Variants in F9 observed in about 807,000 individuals in gnomAD.
F9 encodes the protein Christmas factor.
Under a neutral mutation model 34.1 loss-of-function variants are expected in F9, and 2 were observed. That is an observed-to-expected ratio of 0.06 (90% CI 0.02 to 0.18). The LOEUF (loss-of-function observed/expected upper bound fraction) is 0.18. Ranked by LOEUF, F9 falls within the 10% of genes least tolerant of loss-of-function variation. The pLI is 1.00. For missense variants in F9, 216 were observed against 345.1 expected (o/e 0.63, Z 2.96); for synonymous variants, 137 against 118.8 (o/e 1.15, Z -1.00).
chrX:139,552,895 T>C (rs4149759), intron 6 of F9, among the ~76,000 whole-genome samples: 6,623 of 112,085 alleles, frequency 0.059, 201 homozygotes, highest in East Asian at 0.11. Flanking sequence ...ATCAGGTAAA[T>C]GTCCTCAGTT....
intron 1 of F9, among the ~76,000 whole-genome samples, chrX:139,532,878 G>A (rs1927375467): frequency 8.9e-6 from 1 of 111,821 alleles, no homozygotes; most frequent in Non-Finnish European, 1.9e-5. Flanking sequence ...ACTAGGCAGA[G>A]CTGGTCATCA....
chrX:139,543,408 C>G (rs746565265), intron 4 of F9, among the ~76,000 whole-genome samples: 9 of 111,492 alleles, frequency 8.1e-5, no homozygotes, highest in Non-Finnish European at 1.5e-4. Context: ...TAAAGAGTAA[C>G]AGAGGCATTT....
intron 4 of F9, among the ~76,000 whole-genome samples, chrX:139,541,673 C>G (rs771788133): frequency 9.8e-5 from 11 of 111,987 alleles, no homozygotes; most frequent in African/African-American, 3.2e-4. Context: ...AAGTACAGAA[C>G]TGGAGTATGA....
rs1320024216 is a variant in F9, at chrX:139,548,373, T to C, written c.402T>C (p.Cys134=). ...EGKNCELDVT[C]NIKNGRCEQF... is the part of the protein sequence containing the mutation. ...TTTTGCTTCTTTTAGATGTAACATG[T>C]AACATTAAGAATGGCAGATGCGAGC... The change falls in exon 5 of 8, where the codon TGT becomes TGC. Residue 134 remains cysteine, a synonymous_variant. Transcript: ENST00000218099. The C allele has an allele frequency of 2.5e-6, 3 of 1,210,687 alleles. No individual in the cohort carries two copies. Among genetic ancestry groups the C allele is most frequent in the Non-Finnish European group, 3.4e-6 (3 of 894,681 alleles).
intron 4 of F9, among the ~76,000 whole-genome samples, chrX:139,541,498 A>C: frequency 8.9e-6 from 1 of 111,917 alleles, no homozygotes; most frequent in Non-Finnish European, 1.9e-5. Context: ...CCGCAACTCC[A>C]ACGGCCAAAA....
At chrX:139,560,160 A>G (rs1298136908) in intron 6 of F9, among the ~76,000 whole-genome samples, 1 of 111,994 alleles carries the variant, frequency 8.9e-6, no homozygotes, top group East Asian at 2.8e-4. Flanking sequence ...GGAAAGAATG[A>G]ATGAGCCCTG....
chrX:139,563,423 C>T lies in F9; in HGVS notation c.*1352C>T, dbSNP rs555155283. On this transcript the variant is annotated 3_prime_UTR_variant, in exon 8 of 8. Transcript: ENST00000218099. The stretch of plus-strand genomic sequence containing the variant: ...GTTGCTGACCAACTGACGTATGTTT[C>T]CCTTTGTGAATTAATAAACTGGTGT... The T allele has an allele frequency of 1.3e-4, 15 of 111,568 alleles. No homozygotes were observed. The highest frequency in any genetic ancestry group is 4.6e-4 in the African/African-American group (14 of 30,740). 9.2% of individuals were successfully genotyped at this position (111,568 alleles called of 1,213,427 possible). A position where few individuals can be genotyped will look rare whatever the true frequency, so the allele number is the denominator to read the frequency against.
chrX:139,552,250 G>A (rs766658896), intron 6 of F9, among the ~76,000 whole-genome samples: 1 of 111,979 alleles, frequency 8.9e-6, no homozygotes, highest in Non-Finnish European at 1.9e-5. Context: ...TACAGAAGCC[G>A]GGGTTCAAAA....
rs1265586158 is a variant in F9 at position 139,562,195 on chromosome X, T to C, written c.*124T>C. On this transcript the variant is annotated 3_prime_UTR_variant, in exon 8 of 8. Transcript: ENST00000218099. The stretch of plus-strand genomic sequence containing the variant: ...TACATTCTATGATCATTGCTTTTTC[T>C]CTTTACAGGGGAGAATTTCATATTT... 1 of 623,044 alleles carries C rather than the reference T, an allele frequency of 1.6e-6. No individual in the cohort carries two copies. Among genetic ancestry groups the C allele is most frequent in the African/African-American group, 2.2e-5 (1 of 44,814 alleles). 51.3% of individuals were successfully genotyped at this position (623,044 alleles called of 1,213,427 possible).
Position 139,548,481 on chromosome X carries a change from T to C in F9, c.510T>C (p.Cys170=). 1.7e-6 allele frequency: 2 copies of C among 1,210,320 alleles called. No homozygotes were observed. Among genetic ancestry groups the C allele is most frequent in the Non-Finnish European group, 1.1e-6 (1 of 894,650 alleles). ...GYRLAENQKS[C]EPAVPFPCGR... Reference sequence around the variant, plus strand: ...GACTTGCAGAAAACCAGAAGTCCTGTGAACCAGCAGGTCATAATCTGAATA... The same window carrying C: ...GACTTGCAGAAAACCAGAAGTCCTGCGAACCAGCAGGTCATAATCTGAATA... The change falls in exon 5 of 8, where the codon TGT becomes TGC. Residue 170 remains cysteine (C), a synonymous_variant. Coordinates refer to ENST00000218099, the MANE Select transcript of F9 (RefSeq NM_000133.4).
At chrX:139,548,178 G>A (rs1927757823) in intron 4 of F9, among the ~76,000 whole-genome samples, 185 bp from the exon 5 acceptor site, 1 of 111,182 alleles carries the variant, frequency 9.0e-6, no homozygotes, top group Admixed American at 9.6e-5. Context: ...GCATTATTGA[G>A]AAGTTTATTT....
intron 1 of F9, among the ~76,000 whole-genome samples, chrX:139,534,263 T>C (rs906808575): frequency 8.9e-6 from 1 of 112,161 alleles, no homozygotes; most frequent in Middle Eastern, 4.2e-3. Context: ...TCACTGATCC[T>C]GCCAACACCT....
intron 5 of F9, among the ~76,000 whole-genome samples, chrX:139,550,724 T>C (rs1406180221): frequency 8.9e-6 from 1 of 111,842 alleles, no homozygotes; most frequent in Non-Finnish European, 1.9e-5. Flanking sequence ...GGGATGGCAA[T>C]TGGGAGTAAG....
chrX:139,561,444 A>G (rs1928099567), intron 7 of F9, 80 bp from the exon 8 acceptor site: 2 of 858,484 alleles, frequency 2.3e-6, no homozygotes, highest in Non-Finnish European at 3.4e-6. Context: ...CAATTAGGTC[A>G]GTGGTCCCAA....
chrX:139,545,395 A>C (rs1160179952), intron 4 of F9, among the ~76,000 whole-genome samples: 3 of 111,898 alleles, frequency 2.7e-5, no homozygotes, highest in Non-Finnish European at 5.6e-5. Context: ...GGTATTGCAT[A>C]GGAGAAACAA....
chrX:139,556,850 A>T (rs1415369773), intron 6 of F9, among the ~76,000 whole-genome samples: 1 of 112,717 alleles, frequency 8.9e-6, no homozygotes. Context: ...CAAGCTGTAC[A>T]TCACAAACAA....
chrX:139,550,710 T>C (rs1927819928), intron 5 of F9, among the ~76,000 whole-genome samples: 1 of 111,822 alleles, frequency 8.9e-6, no homozygotes, highest in African/African-American at 3.3e-5. Flanking sequence ...AAGACTTCCA[T>C]TCAGGGATGG....
Position 139,561,604 on chromosome X carries a change from G to A in F9, c.919G>A (p.Ala307Thr). 1 of 1,209,480 alleles carries A rather than the reference G, an allele frequency of 8.3e-7. No homozygotes were observed. Among genetic ancestry groups the A allele is most frequent in the Non-Finnish European group, 1.1e-6 (1 of 893,769 alleles). Reference protein sequence around the residue: ...IRIIPHHNYNAAINKYNHDIA... With the variant: ...IRIIPHHNYNTAINKYNHDIA... ...AATTATTCCTCACCACAACTACAAT[G>A]CAGCTATTAATAAGTACAACCATGA... Residue 307 changes from alanine to threonine, a missense_variant, in exon 8 of 8, where the codon GCA (alanine) becomes ACA (threonine). Physicochemically the swap from Ala to Thr is moderately conservative, Grantham distance 58. Coordinates refer to ENST00000218099, the MANE Select transcript of F9 (RefSeq NM_000133.4).
intron 6 of F9, among the ~76,000 whole-genome samples, chrX:139,557,296 G>A (rs1316034988): frequency 8.9e-6 from 1 of 112,116 alleles, no homozygotes; most frequent in Non-Finnish European, 1.9e-5. Context: ...TATTTTGATA[G>A]CTATGATCCT....
Sources: allele counts gnomAD v4.1 joint callset (sites outside exome capture counted in the v4.1 genomes callset), GRCh38; gene constraint gnomAD v4.1.1; transcripts MANE v1.5; gene names NCBI Gene and HGNC (gene_info 2026-07-23, HGNC 2026-07-21).